The following MAP4K1 variants were observed in gnomAD, a reference collection of about 807,000 sequenced individuals.
MAP4K1 encodes MAPK/ERK kinase kinase kinase 1.
MAP4K1 carries 35 observed loss-of-function variants against 122.8 expected under a neutral mutation model. The observed-to-expected ratio is 0.29, with a 90% CI of 0.22 to 0.38. The LOEUF is 0.38. Ranked by LOEUF, MAP4K1 falls within the 10% of genes least tolerant of loss-of-function variation. MAP4K1 has a pLI of 1.00. For synonymous variants in MAP4K1, 412 were observed against 421.3 expected, an observed-to-expected ratio of 0.98 and a Z score of 0.27; for missense variants, 791 against 1,072.6, an observed-to-expected ratio of 0.74 and a Z score of 3.67.
chr19:38,602,861 T>A (rs1975147917), intron 19 of MAP4K1, among the ~76,000 whole-genome samples: 1 of 148,946 alleles, frequency 6.7e-6, no homozygotes, highest in Admixed American at 6.7e-5. Flanking sequence ...CATATACATA[T>A]ATACACATGT....
chr19:38,609,769 C>T (rs1975440087), intron 12 of MAP4K1, 95 bp from the exon 13 acceptor site: 5 of 1,343,106 alleles, frequency 3.7e-6, no homozygotes, highest in East Asian at 2.3e-5. Context: ...ACCCTCTGGG[C>T]ACACAGCCTT....
rs35103992 is a variant in MAP4K1 at position 38,610,372 on chromosome 19, A to ATTT, written c.811-350_811-348dup. On this transcript the variant is annotated intron_variant, in intron 11 of 30. Coordinates refer to ENST00000396857, the MANE Select transcript of MAP4K1 (RefSeq NM_001042600.3). Reference sequence around the variant, plus strand: ...AGGCTCGTGCCACCACGCCCAGCTAATTTTTTTTTTTTTTTTTTTTTTTTT... The same window carrying ATTT: ...AGGCTCGTGCCACCACGCCCAGCTAATTTTTTTTTTTTTTTTTTTTTTTTTTTT... Among the ~76,000 whole-genome samples the ATTT allele has an allele frequency of 8.7e-4, 66 of 76,198 alleles. 2 individuals carry two copies. Among genetic ancestry groups the ATTT allele is most frequent in the Non-Finnish European group, 1.3e-3 (54 of 41,682 alleles). The allele number at this position is 76,198 out of a possible 152,430, so 50.0% of individuals were successfully genotyped here. A position where few individuals can be genotyped will look rare whatever the true frequency, so the allele number is the denominator to read the frequency against.
Position 38,596,472 on chromosome 19 carries a change from T to A in MAP4K1, c.1956A>T (p.Pro652=). The A allele has an allele frequency of 6.4e-7, 1 of 1,568,346 alleles. No homozygotes were observed. ...CGAACACGGACAGAGGCGTCGGCAGTGGGAACAGCACCTGCTGCGGGCCGC... is the reference window on the plus strand; with the variant it reads ...CGAACACGGACAGAGGCGTCGGCAGAGGGAACAGCACCTGCTGCGGGCCGC... ...KFLLVRQVLF[P]LPTPLSVFAL... The change falls in exon 26 of 31, where the codon CCA becomes CCT. Residue 652 remains proline, a synonymous_variant. Coordinates refer to ENST00000396857, the MANE Select transcript of MAP4K1 (RefSeq NM_001042600.3).
At chr19:38,595,282 T>G (rs900948325) in intron 29 of MAP4K1, among the ~76,000 whole-genome samples, 6 of 151,946 alleles carry the variant, frequency 3.9e-5, no homozygotes, top group African/African-American at 1.5e-4. Context: ...AGAGTGAAAC[T>G]CCGTCTTAAA....
chr19:38,617,569 A>G lies in MAP4K1; in HGVS notation c.156T>C (p.Pro52=). 1 of 1,614,022 alleles carries G rather than the reference A, an allele frequency of 6.2e-7. No individual in the cohort carries two copies. The highest frequency in any genetic ancestry group is 8.5e-7 in the Non-Finnish European group (1 of 1,179,964). Reference sequence around the variant, plus strand: ...AGGAGCTCCATGTTCCCTCCTCACCAGGCTCCATCTTCACCATCTTCAGTG... The same window carrying G: ...AGGAGCTCCATGTTCCCTCCTCACCGGGCTCCATCTTCACCATCTTCAGTG... The part of the protein sequence containing the change: ...LVALKMVKME[P]DDDVSTLQKE... The change falls in exon 2 of 31, where the codon CCT becomes CCC. Residue 52 remains proline (P), a splice_region_variant and synonymous_variant. Transcript: ENST00000396857. This position sits in a 1 kb window ranked among gnomAD's most constrained non-coding sequence, Gnocchi z 4.1.
At chr19:38,603,705 C>T (rs534256773) in intron 19 of MAP4K1, among the ~76,000 whole-genome samples, 12 of 152,004 alleles carry the variant, frequency 7.9e-5, no homozygotes, top group South Asian at 2.1e-4. Context: ...CAAGCTGGGC[C>T]GGGCGCGGTG....
intron 29 of MAP4K1, among the ~76,000 whole-genome samples, chr19:38,593,893 A>G (rs4802618): frequency 0.13 from 19,702 of 152,106 alleles, 2,485 homozygotes; most frequent in African/African-American, 0.3. Flanking sequence ...AAAAGAGGGA[A>G]GGAACTGAGT....
Position 38,605,687 on chromosome 19 carries a change from C to T in MAP4K1, c.1244G>A (p.Gly415Glu). The change falls in exon 18 of 31, where the codon GGG (glycine) becomes GAG (glutamate). Residue 415 changes from glycine to glutamate, a missense_variant. Physicochemically the swap from Gly to Glu is moderately conservative, Grantham distance 98. Coordinates refer to ENST00000396857, the MANE Select transcript of MAP4K1 (RefSeq NM_001042600.3). ...SPSDEGPGSM[G>E]DDGQLSPGVL... is the part of the protein sequence containing the mutation. ...CCCCGGGCTCAGCTGCCCATCATCC[C>T]CCATGCTCCCAGGACCCTCGTCTGA... 2 of 1,607,766 alleles carry T rather than the reference C, an allele frequency of 1.2e-6. No homozygotes were observed. The highest frequency in any genetic ancestry group is 1.3e-5 in the African/African-American group (1 of 74,658).
At chr19:38,607,719 G>T (rs1975371122) in intron 16 of MAP4K1, 145 bp downstream of exon 16, 2 of 842,192 alleles carry the variant, frequency 2.4e-6, no homozygotes, top group South Asian at 1.6e-5. Context: ...CTGCATTGAG[G>T]GTCTAATCAG....
intron 22 of MAP4K1, among the ~76,000 whole-genome samples, chr19:38,598,179 C>CCAG (rs1974946413): frequency 1.3e-5 from 2 of 151,242 alleles, no homozygotes; most frequent in South Asian, 4.2e-4. Flanking sequence ...TAGAGGTATG[C>CCAG]GCCACCATGC....
At chr19:38,596,541 G>A in intron 25 of MAP4K1, 55 bp from the exon 26 acceptor site, 1 of 1,406,792 alleles carries the variant, frequency 7.1e-7, no homozygotes, top group East Asian at 2.5e-5. Flanking sequence ...CGGGGCCTCA[G>A]GGGGCGTGGC....
chr19:38,602,785 CATATATACACACATACATAT>C (rs1599703966), intron 19 of MAP4K1, among the ~76,000 whole-genome samples: 1 of 140,102 alleles, frequency 7.1e-6, no homozygotes, highest in East Asian at 2.3e-4. Context: ...TACACATATA[CATATATACACACATACATAT>C]ATACATATAT....
Position 38,605,788 on chromosome 19 carries a change from C to T in MAP4K1, c.1201-58G>A, listed in dbSNP as rs1203372039. The T allele has an allele frequency of 3.3e-6, 5 of 1,520,602 alleles. No homozygotes were observed. In the East Asian group the frequency reaches 9.2e-5, roughly 28 times the overall value. The allele number at this position is 1,520,602 out of a possible 1,614,324, so 94.2% of individuals were successfully genotyped here. ...CATCAGATGATCTCAGAGAGGGCAC[C>T]CTTTTGCAACTCAAGTCCCTGCCTC... On this transcript the variant is annotated intron_variant, in intron 17 of 30. Transcript: ENST00000396857.
intron 22 of MAP4K1, among the ~76,000 whole-genome samples, chr19:38,599,627 G>A (rs1045364391): frequency 1.9e-4 from 29 of 151,900 alleles, no homozygotes; most frequent in East Asian, 1.9e-4. Flanking sequence ...GTACCACTGC[G>A]CTCCAGCCTG....
intron 19 of MAP4K1, among the ~76,000 whole-genome samples, chr19:38,602,843 TATATACACATATACATATATACAC>T (rs1327059136): frequency 6.7e-6 from 1 of 148,610 alleles, no homozygotes; most frequent in African/African-American, 2.5e-5. Context: ...CGCATATACA[TATATACACATATACATATATACAC>T]ATGTACATAT....
intron 29 of MAP4K1, among the ~76,000 whole-genome samples, chr19:38,594,145 CCCAA>C (rs1974803561): frequency 6.6e-6 from 1 of 152,044 alleles, no homozygotes; most frequent in Admixed American, 6.6e-5. Flanking sequence ...ACGTTGCCAG[CCCAA>C]GGTCACAGTA....
chr19:38,603,191 T>C (rs1568632126), intron 19 of MAP4K1, among the ~76,000 whole-genome samples: 1 of 149,358 alleles, frequency 6.7e-6, no homozygotes, highest in East Asian at 2.0e-4. Flanking sequence ...TATATACGCA[T>C]ATACATATAT....
In MAP4K1 at chr19:38,609,682, G is replaced by C. The variant is rs748082438; in HGVS notation, c.928-8C>G. On this transcript the variant is annotated splice_region_variant and splice_polypyrimidine_tract_variant and intron_variant, in intron 12 of 30. Coordinates refer to ENST00000396857, the MANE Select transcript of MAP4K1 (RefSeq NM_001042600.3). ...AGGGATAGCAGGGGGTAGCTGGGCAGAGGGGCAGCCACGTCAGGGCTCAAG... is the reference window on the plus strand; with the variant it reads ...AGGGATAGCAGGGGGTAGCTGGGCACAGGGGCAGCCACGTCAGGGCTCAAG... The C allele has an allele frequency of 2.5e-6, 4 of 1,609,314 alleles. No homozygotes were observed. Among genetic ancestry groups the C allele is most frequent in the Non-Finnish European group, 2.5e-6 (3 of 1,177,934 alleles).
Position 38,612,697 on chromosome 19 carries a change from A to T in MAP4K1, c.579T>A (p.Asn193Lys), listed in dbSNP as rs1389940193. The stretch of plus-strand genomic sequence containing the variant: ...CCAGGGACCAGATGTCACACAGCTC[A>T]TTGTATCCTCCCTTCAGGGCCACAG... The part of the protein sequence containing the change: ...VAAVALKGGY[N>K]ELCDIWSLGI... The change falls in exon 9 of 31, where the codon AAT (asparagine) becomes AAA (lysine). Residue 193 changes from asparagine to lysine, a missense_variant. Around this residue, in one of 4 missense-constraint regions of MAP4K1, gnomAD observed 163 missense variants for 286.1 expected, o/e 0.57. Transcript: ENST00000396857. The T allele has an allele frequency of 3.1e-6, 5 of 1,613,142 alleles. No individual in the cohort carries two copies. The Admixed American group carries it at 6.7e-5, about 22-fold the overall frequency.
Sources: allele counts gnomAD v4.1 joint callset (sites outside exome capture counted in the v4.1 genomes callset), GRCh38; gene constraint gnomAD v4.1.1; regional missense constraint gnomAD v4.1.1; non-coding constraint Gnocchi (gnomAD v3.1); transcripts MANE v1.5; gene names NCBI Gene and HGNC (gene_info 2026-07-23, HGNC 2026-07-21).